Variants in E2F3 observed in about 807,000 individuals in gnomAD.
The protein encoded by E2F3 is E2F transcription factor 3, also known as transcription factor E2F3.
Under a neutral mutation model 44.4 loss-of-function variants are expected in E2F3, and 11 were observed. The observed-to-expected ratio is 0.25, with a 90% CI of 0.16 to 0.41. E2F3 has a LOEUF of 0.41. Ranked by LOEUF, E2F3 falls within the 10% of genes least tolerant of loss-of-function variation. E2F3 has a pLI of 1.00. For synonymous variants in E2F3, 249 were observed against 253.0 expected (o/e 0.98, Z 0.15); for missense variants, 487 against 583.6 (o/e 0.83, Z 1.70).
At chr6:20,462,799 A>G (rs1429183734) in intron 1 of E2F3, among the ~76,000 whole-genome samples, 6 of 140,534 alleles carry the variant, frequency 4.3e-5, no homozygotes, top group Non-Finnish European at 6.1e-5. Context: ...AAACCTGGGT[A>G]TCGGGCAGGG....
chr6:20,425,825 A>G (rs550200960), intron 1 of E2F3, among the ~76,000 whole-genome samples: 1 of 152,318 alleles, frequency 6.6e-6, no homozygotes, highest in Admixed American at 6.5e-5. Context: ...CATGTGTCTA[A>G]ATTACCTAAC....
intron 1 of E2F3, among the ~76,000 whole-genome samples, chr6:20,476,201 C>G (rs1762038601): frequency 6.6e-6 from 1 of 152,114 alleles, no homozygotes; most frequent in South Asian, 2.1e-4. Flanking sequence ...GAAACCCCGT[C>G]TCTACTAAAA....
intron 1 of E2F3, among the ~76,000 whole-genome samples, chr6:20,436,452 A>AACACACACACACACAC (rs765678025): frequency 3.1e-4 from 46 of 146,330 alleles, no homozygotes; most frequent in African/African-American, 1.1e-3. Flanking sequence ...TGAGCTAGGA[A>AACACACACACACACAC]ACACACACAC....
intron 1 of E2F3, among the ~76,000 whole-genome samples, chr6:20,443,483 T>C (rs1472102403): frequency 6.6e-6 from 1 of 152,148 alleles, no homozygotes; most frequent in Non-Finnish European, 1.5e-5. Context: ...CTCATACCCA[T>C]AATCCCAGTG....
chr6:20,457,570 G>A (rs969913933), intron 1 of E2F3, among the ~76,000 whole-genome samples: 1 of 152,088 alleles, frequency 6.6e-6, no homozygotes, highest in Non-Finnish European at 1.5e-5. Flanking sequence ...ATATAGGATA[G>A]ACGTAGCAAA....
chr6:20,403,076 C>T, intron 1 of E2F3, among the ~76,000 whole-genome samples: 1 of 152,010 alleles, frequency 6.6e-6, no homozygotes, highest in Non-Finnish European at 1.5e-5. Flanking sequence ...GGGGTGCTAG[C>T]CCCCAGTCGG....
At chr6:20,440,289 A>C (rs1760731153) in intron 1 of E2F3, 1 of 152,244 alleles carries the variant, frequency 6.6e-6, no homozygotes, top group Non-Finnish European at 1.5e-5. Flanking sequence ...TTATCCAAAA[A>C]AATTAAAATA....
At chr6:20,439,371 G>C (rs996478390) in intron 1 of E2F3, among the ~76,000 whole-genome samples, 1 of 152,146 alleles carries the variant, frequency 6.6e-6, no homozygotes, top group African/African-American at 2.4e-5. Flanking sequence ...CTGCTCTTTA[G>C]GGAGGAGGAG....
intron 1 of E2F3, among the ~76,000 whole-genome samples, chr6:20,429,091 C>A (rs371533007): frequency 6.6e-6 from 1 of 152,282 alleles, no homozygotes; most frequent in African/African-American, 2.4e-5. Context: ...GTTAAACATA[C>A]TATAACATAT....
At chr6:20,453,272 C>G (rs995574569) in intron 1 of E2F3, among the ~76,000 whole-genome samples, 2 of 152,090 alleles carry the variant, frequency 1.3e-5, no homozygotes, top group African/African-American at 2.4e-5. Context: ...TCCACCAACC[C>G]CTTCCACACA....
chr6:20,492,934 G>A lies in E2F3; in HGVS notation c.*2504G>A. 4.6e-6 allele frequency: 1 copy of A among 216,640 alleles called. No homozygotes were observed. The highest frequency in any genetic ancestry group is 9.3e-6 in the Non-Finnish European group (1 of 107,402). The allele number at this position is 216,640 out of a possible 1,614,324, so 13.4% of individuals were successfully genotyped here. On this transcript the variant is annotated 3_prime_UTR_variant, in exon 7 of 7. Coordinates refer to ENST00000346618, the MANE Select transcript of E2F3 (RefSeq NM_001949.5). ...GTACCATTGAGTTGCTGCTATTAAA[G>A]CTCACACACGAAATGGCTAAAAGTT...
chr6:20,459,548 T>C (rs1561871399), intron 1 of E2F3, among the ~76,000 whole-genome samples: 1 of 152,138 alleles, frequency 6.6e-6, no homozygotes, highest in Non-Finnish European at 1.5e-5. Flanking sequence ...ACATAGAAAA[T>C]TTTTTTATCT....
chr6:20,416,352 C>T (rs911670460), intron 1 of E2F3, among the ~76,000 whole-genome samples: 18 of 152,148 alleles, frequency 1.2e-4, no homozygotes, highest in Non-Finnish European at 2.5e-4. Flanking sequence ...GTGTTAAGCA[C>T]CTAGCATATG....
At chr6:20,459,741 G>A (rs1187590630) in intron 1 of E2F3, among the ~76,000 whole-genome samples, 1 of 152,102 alleles carries the variant, frequency 6.6e-6, no homozygotes, top group Non-Finnish European at 1.5e-5. Context: ...CCAGGAGTTC[G>A]AGACCAGCCT....
chr6:20,419,770 T>A (rs1759964884), intron 1 of E2F3, among the ~76,000 whole-genome samples: 1 of 152,168 alleles, frequency 6.6e-6, no homozygotes, highest in South Asian at 2.1e-4. Flanking sequence ...TTCACCGTGT[T>A]GCCCAGGCTG....
chr6:20,486,797 A>G lies in E2F3; in HGVS notation c.993A>G (p.Ser331=), dbSNP rs1228926455. 2.5e-6 allele frequency: 4 copies of G among 1,600,936 alleles called. No individual in the cohort carries two copies. Among genetic ancestry groups the G allele is most frequent in the East Asian group, 2.2e-5 (1 of 44,788 alleles). The part of the protein sequence containing the change: ...PPETRLEVPD[S]IESLQIHLAS... ...AAACAAGACTTGAAGTGCCTGACTC[A>G]ATAGAGGTAAGGAGACAGCGTCTTT... is the stretch of plus-strand genomic sequence containing the variant. Residue 331 remains serine, a synonymous_variant, in exon 5 of 7, where the codon TCA becomes TCG. Transcript: ENST00000346618.
intron 1 of E2F3, among the ~76,000 whole-genome samples, chr6:20,440,390 T>G (rs1760734924): frequency 1.3e-5 from 2 of 152,240 alleles, no homozygotes; most frequent in African/African-American, 4.8e-5. Context: ...AGCCCCAGCC[T>G]ACTTCCAGCT....
intron 1 of E2F3, among the ~76,000 whole-genome samples, chr6:20,462,855 CTCTCTTTTTT>C (rs1383298062): frequency 7.8e-5 from 9 of 114,916 alleles, no homozygotes; most frequent in Non-Finnish European, 8.7e-5. Flanking sequence ...CTTTCTCTCT[CTCTCTTTTTT>C]TTTTTTTTTT....
At chr6:20,412,130 G>A (rs530051701) in intron 1 of E2F3, among the ~76,000 whole-genome samples, 5 of 152,246 alleles carry the variant, frequency 3.3e-5, no homozygotes, top group Admixed American at 1.3e-4. Context: ...CTAAACAGGC[G>A]GTAGGGAGAA....
Sources: allele counts gnomAD v4.1 joint callset (sites outside exome capture counted in the v4.1 genomes callset), GRCh38; gene constraint gnomAD v4.1.1; transcripts MANE v1.5; gene names NCBI Gene and HGNC (gene_info 2026-07-23, HGNC 2026-07-21).